PKHD1: variants seen among roughly 807,000 people sequenced by gnomAD.
PKHD1 encodes fibrocystin.
PKHD1 carries 291 observed loss-of-function variants against 412.0 expected under a neutral mutation model. The ratio of observed to expected loss-of-function variants is 0.71; its 90% confidence interval spans 0.64 to 0.78. PKHD1 has a LOEUF of 0.78. Among genes scored for constraint, PKHD1 ranks in the 30% least tolerant of loss-of-function variants. The pLI, the probability that PKHD1 is intolerant of heterozygous loss-of-function variation, is 0.00. For missense variants in PKHD1, 4,825 were observed against 4,950.7 expected (o/e 0.97, Z 0.76); for synonymous variants, 1,777 against 1,821.5 (o/e 0.98, Z 0.62).
chr6:51,692,510 C>CT (rs1778297307), intron 60 of PKHD1, among the ~76,000 whole-genome samples: 1 of 152,118 alleles, frequency 6.6e-6, no homozygotes, highest in Non-Finnish European at 1.5e-5. Context: ...AATATTCACT[C>CT]TTCCTTACCT....
chr6:52,084,511 G>T (rs991324733), intron 2 of PKHD1, among the ~76,000 whole-genome samples: 1 of 152,046 alleles, frequency 6.6e-6, no homozygotes, highest in Admixed American at 6.6e-5. Context: ...AATCTAAAAA[G>T]AATTACATCA....
Position 51,748,531 on chromosome 6 carries a change from G to T in PKHD1, c.9085C>A (p.His3029Asn). The T allele has an allele frequency of 6.2e-7, 1 of 1,613,696 alleles. No homozygotes were observed. The highest frequency in any genetic ancestry group is 8.5e-7 in the Non-Finnish European group (1 of 1,179,790). The change falls in exon 58 of 67, where the codon CAT becomes AAT. Residue 3029 changes from histidine (H) to asparagine (N), a missense_variant. By Grantham distance (68) the His-to-Asn change is moderately conservative (BLOSUM62 1). Coordinates refer to ENST00000371117, the MANE Select transcript of PKHD1 (RefSeq NM_138694.4). ...AGTACTCCATGACTGGCAGCTGCAT[G>T]AATGCCCCCGCCACAGCTCTGGTGC... ...TLHQSCGGGI[H>N]AAASHGVLLN...
intron 60 of PKHD1, among the ~76,000 whole-genome samples, chr6:51,670,307 T>C (rs1170281813): frequency 6.6e-6 from 1 of 152,230 alleles, no homozygotes; most frequent in Non-Finnish European, 1.5e-5. Context: ...TGTAATGGCC[T>C]TCTTCGTCTC....
At chr6:51,686,106 T>C (rs146495001) in intron 60 of PKHD1, among the ~76,000 whole-genome samples, 180 of 152,228 alleles carry the variant, frequency 1.2e-3, no homozygotes, top group Middle Eastern at 3.4e-3. Context: ...ATTGACAGCA[T>C]TGTCCTAGAT....
Position 51,841,888 on chromosome 6 carries a change from A to G in PKHD1, c.8108-5419T>C, listed in dbSNP as rs1770268887. On this transcript the variant is annotated intron_variant, in intron 50 of 66. Transcript: ENST00000371117. ...GCCCTTGTTGCATTGAGGAAAGGAA[A>G]CCTGGGCAGTGGTAGACAGGATCAG... 2.0e-5 allele frequency among the ~76,000 whole-genome samples: 3 copies of G among 152,184 alleles called. No homozygotes were observed. In the South Asian group the frequency reaches 6.2e-4, roughly 32 times the overall value.
chr6:52,027,871 T>G lies in PKHD1; in HGVS notation c.3586A>C (p.Thr1196Pro). ...CAAGGCTCGATGCTGAAAACTTCTG[T>G]GAGGTACTGGATGTGGAGATCAACC... ...QGVDLHIQYL[T>P]EVFSIEPCCG... Residue 1196 changes from threonine (T) to proline (P), a missense_variant, in exon 31 of 67, where the codon ACA (threonine) becomes CCA (proline). Transcript: ENST00000371117. 6.2e-7 allele frequency: 1 copy of G among 1,613,558 alleles called. No individual in the cohort carries two copies. The highest frequency in any genetic ancestry group is 8.5e-7 in the Non-Finnish European group (1 of 1,179,506).
At chr6:51,897,497 A>G (rs1200423968) in intron 43 of PKHD1, among the ~76,000 whole-genome samples, 1 of 149,892 alleles carries the variant, frequency 6.7e-6, no homozygotes, top group African/African-American at 2.5e-5. Context: ...CTGCCCTAAA[A>G]GAGCTCCTGA....
At chr6:51,841,024 A>G (rs1770093173) in intron 50 of PKHD1, among the ~76,000 whole-genome samples, 1 of 151,988 alleles carries the variant, frequency 6.6e-6, no homozygotes, top group Admixed American at 6.5e-5. Context: ...TAAGAAAAAT[A>G]TTAAGTAAAT....
chr6:51,788,055 A>G (rs978852185), intron 53 of PKHD1, among the ~76,000 whole-genome samples: 1 of 152,182 alleles, frequency 6.6e-6, no homozygotes, highest in African/African-American at 2.4e-5. Context: ...AGAAAGATGA[A>G]CTGAAATAAT....
intron 36 of PKHD1, among the ~76,000 whole-genome samples, chr6:51,934,809 CA>C (rs1787216338): frequency 6.6e-6 from 1 of 152,200 alleles, no homozygotes; most frequent in Admixed American, 6.5e-5. Context: ...CTTTTGTTAA[CA>C]GACCCTAATT....
At chr6:51,795,363 T>C (rs932188205) in intron 52 of PKHD1, among the ~76,000 whole-genome samples, 11 of 152,218 alleles carry the variant, frequency 7.2e-5, no homozygotes, top group African/African-American at 2.7e-4. Flanking sequence ...CTAGAGATTT[T>C]TGCACATTGA....
At chr6:51,681,893 T>C (rs1365573827) in intron 60 of PKHD1, among the ~76,000 whole-genome samples, 7 of 152,108 alleles carry the variant, frequency 4.6e-5, no homozygotes, top group Admixed American at 3.3e-4. Flanking sequence ...TAAAAATATT[T>C]GCCACCTGGC....
chr6:51,919,593 G>A (rs1395824256), intron 37 of PKHD1, among the ~76,000 whole-genome samples: 3 of 152,202 alleles, frequency 2.0e-5, no homozygotes, highest in African/African-American at 7.2e-5. Context: ...TTTGGCTTAG[G>A]ATTGTCTTGG....
At chr6:51,708,297 C>T (rs992651285) in intron 60 of PKHD1, among the ~76,000 whole-genome samples, 3 of 152,170 alleles carry the variant, frequency 2.0e-5, no homozygotes, top group Non-Finnish European at 4.4e-5. Context: ...ACAAATCTCA[C>T]TGGAATCCAT....
At chr6:51,733,638 CATATATTGGCTG>C (rs1286288567) in intron 60 of PKHD1, among the ~76,000 whole-genome samples, 7 of 151,908 alleles carry the variant, frequency 4.6e-5, no homozygotes, top group African/African-American at 1.7e-4. Context: ...AAAAAAATGT[CATATATTGGCTG>C]ATAGAAGGAA....
rs1582986817 is a variant in PKHD1 at position 51,842,586 on chromosome 6, A to C, written c.8107+5189T>G. On this transcript the variant is annotated intron_variant, in intron 50 of 66. Coordinates refer to ENST00000371117, the MANE Select transcript of PKHD1 (RefSeq NM_138694.4). ...AAGATTGTTTTCTCCACCCTTCTCA[A>C]CCTCCCCCCGCCTCCCTCCAATCTT... Among the ~76,000 whole-genome samples the C allele has an allele frequency of 2.0e-5, 3 of 151,414 alleles. No individual in the cohort carries two copies. In the South Asian group the frequency reaches 6.3e-4, roughly 32 times the overall value.
rs1365677395 is a variant in PKHD1 at position 51,830,995 on chromosome 6, A to C, written c.8174-6T>G. On this transcript the variant is annotated splice_region_variant and splice_polypyrimidine_tract_variant and intron_variant, in intron 51 of 66. Coordinates refer to ENST00000371117, the MANE Select transcript of PKHD1 (RefSeq NM_138694.4). ...TTCAGGGGCAGAGGTAGAAGCTAGAAAATAAAAAAAAATTTTGAAAATCTA... is the reference window on the plus strand; with the variant it reads ...TTCAGGGGCAGAGGTAGAAGCTAGACAATAAAAAAAAATTTTGAAAATCTA... 6.2e-7 allele frequency: 1 copy of C among 1,609,418 alleles called. No individual in the cohort carries two copies. The highest frequency in any genetic ancestry group is 1.7e-5 in the Admixed American group (1 of 59,816).
intron 60 of PKHD1, among the ~76,000 whole-genome samples, chr6:51,699,447 G>A (rs1436647441): frequency 6.6e-6 from 1 of 152,130 alleles, no homozygotes; most frequent in Non-Finnish European, 1.5e-5. Context: ...CTAGTCCACA[G>A]TGTACTTATC....
Position 51,867,944 on chromosome 6 carries a change from A to G in PKHD1, c.7652T>C (p.Leu2551Ser), listed in dbSNP as rs1444817422. 2 of 1,613,368 alleles carry G rather than the reference A, an allele frequency of 1.2e-6. No homozygotes were observed. The highest frequency in any genetic ancestry group is 2.2e-5 in the South Asian group (2 of 91,074). The change falls in exon 48 of 67, where the codon TTG becomes TCG. Residue 2551 changes from leucine to serine, a missense_variant. Transcript: ENST00000371117. The stretch of plus-strand genomic sequence containing the variant: ...AACCCGACCAAAGCTTGAATTGACC[A>G]AACAAGAAGCTGAAAGGGTTTCCAT... ...ASMETLSASC[L>S]VNSSFGRVVH... is the part of the protein sequence containing the mutation.
Sources: allele counts gnomAD v4.1 joint callset (sites outside exome capture counted in the v4.1 genomes callset), GRCh38; gene constraint gnomAD v4.1.1; transcripts MANE v1.5; gene names NCBI Gene and HGNC (gene_info 2026-07-23, HGNC 2026-07-21).